FSTL5: variants seen among roughly 807,000 people sequenced by gnomAD.
The protein encoded by FSTL5 is follistatin-related protein 5.
In FSTL5, 62 loss-of-function variants were observed where a neutral mutation model predicts 89.1. The ratio of observed to expected loss-of-function variants is 0.70; its 90% CI spans 0.57 to 0.86. The LOEUF is 0.86. Ranked by LOEUF, FSTL5 falls within the 40% of genes least tolerant of loss-of-function variation. The pLI, the probability that FSTL5 is intolerant of heterozygous loss-of-function variation, is 0.00. For missense variants in FSTL5, 1,057 were observed against 1,001.6 expected (o/e 1.06, Z -0.75); for synonymous variants, 383 against 346.2 (o/e 1.11, Z -1.18).
chr4:162,133,918 C>G (rs757253846), intron 1 of FSTL5, among the ~76,000 whole-genome samples: 23 of 152,144 alleles, frequency 1.5e-4, no homozygotes, highest in African/African-American at 5.1e-4. Flanking sequence ...GATTCTCTGA[C>G]GACCTTGCCT....
intron 14 of FSTL5, among the ~76,000 whole-genome samples, chr4:161,455,742 A>G (rs897346458): frequency 6.6e-6 from 1 of 152,164 alleles, no homozygotes; most frequent in Non-Finnish European, 1.5e-5. Context: ...CCCTAATTCC[A>G]TTAGTTACCA....
chr4:161,515,169 T>G (rs1488410991), intron 10 of FSTL5, among the ~76,000 whole-genome samples: 1 of 152,094 alleles, frequency 6.6e-6, no homozygotes, highest in African/African-American at 2.4e-5. Context: ...CAAATTTAAT[T>G]GCCCTGGTAT....
chr4:161,408,333 C>A lies in FSTL5; in HGVS notation c.1842-21884G>T, dbSNP rs1055589715. On this transcript the variant is annotated intron_variant, in intron 15 of 15. Transcript: ENST00000306100. ...CCAAAAATCATTTTACTAATTCCCC[C>A]TCCTGCAAAACCAAGAACAAGAATT... is the stretch of plus-strand genomic sequence containing the variant. Among the ~76,000 whole-genome samples, 3 of 152,186 alleles carry A rather than the reference C, an allele frequency of 2.0e-5. No homozygotes were observed. The East Asian group carries it at 5.8e-4, about 29-fold the overall frequency.
chr4:161,930,544 C>T (rs1430615602), intron 3 of FSTL5, among the ~76,000 whole-genome samples: 3 of 151,458 alleles, frequency 2.0e-5, no homozygotes, highest in African/African-American at 7.3e-5. Context: ...ATGTTAGTAG[C>T]GTTTTCAAAA....
chr4:161,385,052 C>T lies in FSTL5; in HGVS notation c.*695G>A, dbSNP rs1730564904. On this transcript the variant is annotated 3_prime_UTR_variant, in exon 16 of 16. Coordinates refer to ENST00000306100, the MANE Select transcript of FSTL5 (RefSeq NM_020116.5). ...TTTTTCCTCCCTTCCTCCCCACTTT[C>T]TATAGCATGCTGCAGATTATACAGT... 4 of 152,234 alleles carry T rather than the reference C, an allele frequency of 2.6e-5. No individual in the cohort carries two copies. Among genetic ancestry groups the T allele is most frequent in the East Asian group, 1.9e-4 (1 of 5,192 alleles). The allele number at this position is 152,234 out of a possible 1,614,324, so 9.4% of individuals were successfully genotyped here.
At chr4:161,594,518 C>A (rs937068159) in intron 7 of FSTL5, among the ~76,000 whole-genome samples, 1 of 152,048 alleles carries the variant, frequency 6.6e-6, no homozygotes, top group Admixed American at 6.6e-5. Context: ...TTATTGAAAT[C>A]TGTGTTATTC....
chr4:161,425,871 C>A (rs1470781337), intron 15 of FSTL5, among the ~76,000 whole-genome samples: 4 of 151,832 alleles, frequency 2.6e-5, no homozygotes, highest in Admixed American at 2.6e-4. Context: ...CTTTTTCTCT[C>A]TCAGGAGTGA....
chr4:161,513,574 A>T (rs185398249), intron 10 of FSTL5, among the ~76,000 whole-genome samples: 60 of 152,318 alleles, frequency 3.9e-4, no homozygotes, highest in African/African-American at 1.3e-3. Context: ...AATAGCAAAG[A>T]TATGAAATCA....
intron 4 of FSTL5, among the ~76,000 whole-genome samples, chr4:161,832,554 C>T (rs1185182431): frequency 6.6e-6 from 1 of 152,128 alleles, no homozygotes; most frequent in Non-Finnish European, 1.5e-5. Context: ...GCCACAATTT[C>T]AGAGCCTGTT....
intron 13 of FSTL5, among the ~76,000 whole-genome samples, chr4:161,468,245 T>G: frequency 3.6e-5 from 1 of 27,576 alleles, no homozygotes. Context: ...AGTGCCTACA[T>G]TTTTTTTTTT....
Position 161,383,980 on chromosome 4 carries a change from A to T in FSTL5, c.*1767T>A. On this transcript the variant is annotated 3_prime_UTR_variant, in exon 16 of 16. Transcript: ENST00000306100. The stretch of plus-strand genomic sequence containing the variant: ...ACATGGTGTAAGCTACAAAAGAAGG[A>T]TGTATGCGACAGACTTACATGAAAT... The T allele has an allele frequency of 6.6e-6, 1 of 152,200 alleles. No individual in the cohort carries two copies. Among genetic ancestry groups the T allele is most frequent in the East Asian group, 1.9e-4 (1 of 5,204 alleles). The allele number at this position is 152,200 out of a possible 1,614,324, so 9.4% of individuals were successfully genotyped here. A position where few individuals can be genotyped will look rare whatever the true frequency, so the allele number is the denominator to read the frequency against.
At chr4:162,036,886 G>T (rs1219646724) in intron 2 of FSTL5, among the ~76,000 whole-genome samples, 1 of 151,880 alleles carries the variant, frequency 6.6e-6, no homozygotes, top group Non-Finnish European at 1.5e-5. Flanking sequence ...GTTATCTAAG[G>T]AAGGAGAAGA....
Position 161,641,500 on chromosome 4 carries a change from T to G in FSTL5, c.894+14828A>C, listed in dbSNP as rs1490750336. Among the ~76,000 whole-genome samples, 4 of 149,292 alleles carry G rather than the reference T, an allele frequency of 2.7e-5. No individual in the cohort carries two copies. The South Asian group carries it at 6.4e-4, about 24-fold the overall frequency. ...ATATCCAAATTAGAGGGTTTTTTTG[T>G]TTTGTTTTGTTTTTTTTTTTGAGAC... On this transcript the variant is annotated intron_variant, in intron 7 of 15. Transcript: ENST00000306100.
chr4:161,516,806 T>C (rs1418648115), intron 10 of FSTL5, among the ~76,000 whole-genome samples: 1 of 150,844 alleles, frequency 6.6e-6, no homozygotes, highest in African/African-American at 2.4e-5. Context: ...GGGGCTTCCA[T>C]GATATGTCCT....
At chr4:162,061,250 C>T (rs1259859824) in intron 2 of FSTL5, among the ~76,000 whole-genome samples, 4 of 151,924 alleles carry the variant, frequency 2.6e-5, no homozygotes, top group African/African-American at 4.8e-5. Flanking sequence ...GATGTAAAGA[C>T]GGTCACTTCC....
chr4:162,074,068 T>C (rs1204945434), intron 2 of FSTL5, among the ~76,000 whole-genome samples: 1 of 151,776 alleles, frequency 6.6e-6, no homozygotes, highest in East Asian at 1.9e-4. Flanking sequence ...AATTAGCCCT[T>C]CGCAAAGTCA....
chr4:162,152,576 T>A (rs1315671133), intron 1 of FSTL5, among the ~76,000 whole-genome samples: 2 of 152,136 alleles, frequency 1.3e-5, no homozygotes. Flanking sequence ...AAACAATCAC[T>A]GTAGTTTCTC....
intron 4 of FSTL5, among the ~76,000 whole-genome samples, chr4:161,779,085 G>A (rs1436440308): frequency 6.6e-6 from 1 of 152,174 alleles, no homozygotes; most frequent in Admixed American, 6.5e-5. Flanking sequence ...GTTAAACACT[G>A]AAAACCTTTA....
At chr4:162,057,064 G>A (rs553650864) in intron 2 of FSTL5, among the ~76,000 whole-genome samples, 26 of 152,314 alleles carry the variant, frequency 1.7e-4, no homozygotes, top group African/African-American at 6.0e-4. Context: ...AAAGGCCTGC[G>A]TGCAGCAGGT....
Sources: allele counts gnomAD v4.1 joint callset (sites outside exome capture counted in the v4.1 genomes callset), GRCh38; gene constraint gnomAD v4.1.1; transcripts MANE v1.5; gene names NCBI Gene and HGNC (gene_info 2026-07-23, HGNC 2026-07-21).